CHD2: variants seen among roughly 807,000 people sequenced by gnomAD.
CHD2 encodes ATP-dependent chromatin remodeler CHD2.
In CHD2, 28 loss-of-function variants were observed where a neutral mutation model predicts 243.9. The observed-to-expected ratio is 0.11, with a 90% CI of 0.09 to 0.16. The LOEUF is 0.16. CHD2 is among the 10% of genes least tolerant of loss of function. CHD2 has a pLI of 1.00. For synonymous variants in CHD2, 775 were observed against 779.0 expected (o/e 0.99, Z 0.09); for missense variants, 1,386 against 2,209.8 (o/e 0.63, Z 7.47).
intron 5 of CHD2, among the ~76,000 whole-genome samples, chr15:92,930,459 G>T (rs565400776): frequency 6.6e-6 from 1 of 152,058 alleles, no homozygotes; most frequent in African/African-American, 2.4e-5. Flanking sequence ...TTGAGACAGG[G>T]TCTCACTCTG....
intron 13 of CHD2, chr15:92,949,350 T>G (rs952568733): frequency 3.5e-5 from 23 of 663,740 alleles, no homozygotes; most frequent in Admixed American, 4.6e-5. Flanking sequence ...TCATCATATG[T>G]TACTCATGAG....
Position 93,014,717 on chromosome 15 carries a change from G to C in CHD2, c.4714G>C (p.Val1572Leu). ...EEEEQKKKDD[V>L]TGGKKPFRPE... ...TTAGGAGCAAAAGAAGAAAGACGAC[G>C]TGACTGGGGGTAAGAAACCATTTCG... Residue 1572 changes from valine (V) to leucine (L), a missense_variant, in exon 37 of 39, where the codon GTG becomes CTG. By Grantham distance (32) the Val-to-Leu change is conservative. Coordinates refer to ENST00000394196, the MANE Select transcript of CHD2 (RefSeq NM_001271.4). The C allele has an allele frequency of 1.9e-6, 3 of 1,614,062 alleles. No homozygotes were observed. The highest frequency in any genetic ancestry group is 1.7e-6 in the Non-Finnish European group (2 of 1,179,998).
At chr15:92,977,831 A>T (rs891745966) in intron 20 of CHD2, among the ~76,000 whole-genome samples, 5 of 152,252 alleles carry the variant, frequency 3.3e-5, no homozygotes, top group Non-Finnish European at 5.9e-5. Context: ...TGTTTATACT[A>T]ACTGACTTAC....
At position 92,978,307 on chromosome 15, in the gene CHD2, T is replaced by C. The variant is rs1306810641; in HGVS notation, c.2651T>C (p.Ile884Thr). 1 of 1,614,160 alleles carries C rather than the reference T, an allele frequency of 6.2e-7. No individual in the cohort carries two copies. Residue 884 changes from isoleucine (I) to threonine (T), a missense_variant, in exon 21 of 39, where the codon ATC (isoleucine) becomes ACC (threonine). Physicochemically the swap from Ile to Thr is moderately conservative, Grantham distance 89 (BLOSUM62 -1). This residue lies in a region of CHD2 where 18 missense variants were observed against 115.3 expected (regional missense o/e 0.16). Transcript: ENST00000394196. ...TTGGCTTCAGCGGACACAGTCGTCA[T>C]CTTTGACTCTGACTGGAACCCCCAG... is the stretch of plus-strand genomic sequence containing the variant. ...INLASADTVV[I>T]FDSDWNPQND... is the part of the protein sequence containing the mutation.
At position 92,925,010 on chromosome 15, in the gene CHD2, A is replaced by G. The variant is rs190943608; in HGVS notation, c.294+458A>G. On this transcript the variant is annotated intron_variant, in intron 3 of 38. Coordinates refer to ENST00000394196, the MANE Select transcript of CHD2 (RefSeq NM_001271.4). The stretch of plus-strand genomic sequence containing the variant: ...GAGACTGGGTTTCATCATGTTGGCC[A>G]TTCTGGTCTTGAACTTCTGACCTCA... Among the ~76,000 whole-genome samples, 357 of 152,252 alleles carry G rather than the reference A, an allele frequency of 2.3e-3. 2 individuals carry two copies. The highest frequency in any genetic ancestry group is 8.2e-3 in the African/African-American group (340 of 41,534).
In CHD2 at chr15:92,945,775, C is replaced by A. The variant is rs528598542; in HGVS notation, c.1154-46C>A. On this transcript the variant is annotated intron_variant, in intron 10 of 38. Coordinates refer to ENST00000394196, the MANE Select transcript of CHD2 (RefSeq NM_001271.4). ...TTCATAGAACCCAAAATCTTTCATT[C>A]TTCATTGTGTTTATAACTTTTCTGT... 1.3e-5 allele frequency: 17 copies of A among 1,259,332 alleles called. 1 individual carries two copies. Among genetic ancestry groups the A allele is most frequent in the Admixed American group, 2.3e-5 (1 of 43,068 alleles). The allele number at this position is 1,259,332 out of a possible 1,614,324, so 78.0% of individuals were successfully genotyped here. A position where few individuals can be genotyped will look rare whatever the true frequency, so the allele number is the denominator to read the frequency against.
intron 17 of CHD2, among the ~76,000 whole-genome samples, chr15:92,969,995 TTTC>T (rs1449818681): frequency 2.6e-5 from 4 of 152,106 alleles, no homozygotes; most frequent in Admixed American, 2.6e-4. Flanking sequence ...CAAGATAGTT[TTTC>T]TTCTGTGTCT....
At position 92,991,707 on chromosome 15, in the gene CHD2, TGA is replaced by T. The variant is rs1176261926; in HGVS notation, c.3455+191_3455+192del. ...TCTCTCTGCAGAGGGATGACAAAGATGATAAAGACAGGCCATCCATAAAAAGA... is the reference window on the plus strand; with the variant it reads ...TCTCTCTGCAGAGGGATGACAAAGATTAAAGACAGGCCATCCATAAAAAGA... On this transcript the variant is annotated intron_variant, in intron 27 of 38. Transcript: ENST00000394196. 7.4e-4 allele frequency: 328 copies of T among 445,970 alleles called. 1 individual carries two copies. Among genetic ancestry groups the T allele is most frequent in the African/African-American group, 4.8e-3 (235 of 49,088 alleles). 27.6% of individuals were successfully genotyped at this position (445,970 alleles called of 1,614,324 possible). A position where few individuals can be genotyped will look rare whatever the true frequency, so the allele number is the denominator to read the frequency against.
intron 37 of CHD2, among the ~76,000 whole-genome samples, chr15:93,017,593 C>T (rs948176004): frequency 4.7e-4 from 69 of 146,924 alleles, no homozygotes; most frequent in African/African-American, 1.6e-3. Flanking sequence ...GTGATCCATT[C>T]GCCTCAGCCT....
intron 35 of CHD2, 26 bp downstream of exon 35, chr15:93,009,349 A>G (rs1488600042): frequency 6.2e-7 from 1 of 1,602,308 alleles, no homozygotes; most frequent in Non-Finnish European, 8.5e-7. Context: ...TCGTCTGCCC[A>G]GTTTGATTTG....
At chr15:92,959,926 G>T (rs2053663707) in intron 16 of CHD2, among the ~76,000 whole-genome samples, 2 of 152,158 alleles carry the variant, frequency 1.3e-5, no homozygotes, top group South Asian at 4.1e-4. Flanking sequence ...AGAAAAATAT[G>T]GAATTTTGAT....
intron 36 of CHD2, among the ~76,000 whole-genome samples, chr15:93,013,847 A>C (rs1206032465): frequency 7.1e-6 from 1 of 141,280 alleles, no homozygotes. Context: ...AAGTGGGAGG[A>C]TCGCATGAGA....
intron 28 of CHD2, among the ~76,000 whole-genome samples, chr15:92,995,170 AAT>A (rs1273720692): frequency 6.6e-6 from 1 of 152,066 alleles, no homozygotes; most frequent in Non-Finnish European, 1.5e-5. Context: ...ATAAAGTCAA[AAT>A]ATATGTTTAA....
chr15:92,936,642 T>C (rs748609094), intron 5 of CHD2, among the ~76,000 whole-genome samples: 65 of 152,222 alleles, frequency 4.3e-4, no homozygotes, highest in Admixed American at 7.2e-4. Context: ...AGATTAGTTA[T>C]ATGATAGGTT....
In CHD2 at chr15:93,027,524, C is replaced by T. The variant is rs2054595814; in HGVS notation, c.*2819C>T. On this transcript the variant is annotated 3_prime_UTR_variant, in exon 39 of 39. Coordinates refer to ENST00000394196, the MANE Select transcript of CHD2 (RefSeq NM_001271.4). ...AGCCCTTCGAAGGGAAGCCCAAACA[C>T]TTTGCACGCTGTGCTGCAGACATTC... The T allele has an allele frequency of 6.6e-6, 1 of 152,554 alleles. No homozygotes were observed. Among genetic ancestry groups the T allele is most frequent in the Non-Finnish European group, 1.5e-5 (1 of 68,064 alleles). The allele number at this position is 152,554 out of a possible 1,614,324, so 9.5% of individuals were successfully genotyped here.
At chr15:93,017,763 G>A (rs1270825305) in intron 37 of CHD2, among the ~76,000 whole-genome samples, 2 of 152,118 alleles carry the variant, frequency 1.3e-5, no homozygotes, top group African/African-American at 4.8e-5. Flanking sequence ...AAAAATCTGA[G>A]TTCAAAATTA....
Position 93,024,544 on chromosome 15 carries a change from C to G in CHD2, c.5326C>G (p.Pro1776Ala), listed in dbSNP as rs371006816. ...HTDKLGEYKQ[P>A]LPPLHPAVSD... Reference sequence around the variant, plus strand: ...AGATAAACTGGGGGAATATAAACAGCCTCTACCCCCATTGCACCCTGCAGT... The same window carrying G: ...AGATAAACTGGGGGAATATAAACAGGCTCTACCCCCATTGCACCCTGCAGT... The change falls in exon 39 of 39, where the codon CCT (proline) becomes GCT (alanine). Residue 1776 changes from proline to alanine, a missense_variant. Pro to Ala is a conservative substitution (Grantham distance 27, BLOSUM62 -1). Around this residue, in one of 19 missense-constraint regions of CHD2, gnomAD observed 347 missense variants for 341.6 expected, o/e 1.02. Transcript: ENST00000394196. 1 of 1,614,238 alleles carries G rather than the reference C, an allele frequency of 6.2e-7. No individual in the cohort carries two copies. The highest frequency in any genetic ancestry group is 1.6e-4 in the Middle Eastern group (1 of 6,062).
chr15:93,015,269 G>A (rs550518292), intron 37 of CHD2, among the ~76,000 whole-genome samples: 2 of 152,138 alleles, frequency 1.3e-5, no homozygotes, highest in Admixed American at 6.5e-5. Context: ...AGTAGAGACA[G>A]GGTTTTGCCA....
At chr15:92,926,899 C>A (rs1375774874) in intron 3 of CHD2, among the ~76,000 whole-genome samples, 3 of 152,134 alleles carry the variant, frequency 2.0e-5, no homozygotes, top group Non-Finnish European at 4.4e-5. Context: ...GACTGAAACT[C>A]AAAGCAGTAG....
Sources: gnomAD v4.1 joint callset for allele counts (sites outside exome capture counted in the v4.1 genomes callset) on GRCh38, gnomAD v4.1.1 for gene constraint, gnomAD v4.1.1 regional missense constraint, MANE v1.5 for transcripts, NCBI Gene and HGNC (gene_info 2026-07-23, HGNC 2026-07-21) for gene names.